ZNF257: variants seen among roughly 807,000 people sequenced by gnomAD.
ZNF257 encodes zinc finger protein 257.
ZNF257 carries 12 observed loss-of-function variants against 11.9 expected under a neutral mutation model. That is an observed-to-expected ratio of 1.01 (90% confidence interval 0.65 to 1.63). The LOEUF is 1.63. ZNF257 is among the 40% of genes most tolerant of loss of function. The pLI is 0.00. For synonymous variants in ZNF257, 183 were observed against 222.7 expected, an observed-to-expected ratio of 0.82 and a Z score of 1.59; for missense variants, 580 against 665.5, an observed-to-expected ratio of 0.87 and a Z score of 1.41.
At chr19:22,069,628 C>CAA (rs60118865) in intron 1 of ZNF257, among the ~76,000 whole-genome samples, 3 of 136,416 alleles carry the variant, frequency 2.2e-5, no homozygotes, top group Non-Finnish European at 3.3e-5. Flanking sequence ...GTCTTAAAAA[C>CAA]AAAAAAACAA....
At chr19:22,056,300 C>T (rs566690433) in intron 1 of ZNF257, among the ~76,000 whole-genome samples, 74 of 152,068 alleles carry the variant, frequency 4.9e-4, no homozygotes, top group African/African-American at 1.7e-3. Flanking sequence ...CGCCACTATG[C>T]TGGCTAATTT....
chr19:22,071,481 C>CTT (rs770735076), intron 1 of ZNF257, among the ~76,000 whole-genome samples: 9 of 147,814 alleles, frequency 6.1e-5, no homozygotes, highest in African/African-American at 2.2e-4. Context: ...GAAAAAATGG[C>CTT]TTTTTTTTTT....
chr19:22,066,003 TG>T (rs1158399825), intron 1 of ZNF257: 1 of 152,210 alleles, frequency 6.6e-6, no homozygotes, highest in Non-Finnish European at 1.5e-5. Flanking sequence ...GCACTCTGGA[TG>T]CTTAGAAATT....
chr19:22,064,989 G>C (rs1380545871), intron 1 of ZNF257, among the ~76,000 whole-genome samples: 1 of 151,348 alleles, frequency 6.6e-6, no homozygotes, highest in Non-Finnish European at 1.5e-5. Flanking sequence ...AGGAAGCAGA[G>C]GTTGCGGTGA....
intron 1 of ZNF257, among the ~76,000 whole-genome samples, chr19:22,057,420 C>T (rs8110969): frequency 0.23 from 34,892 of 151,784 alleles, 5,281 homozygotes; most frequent in African/African-American, 0.44. Flanking sequence ...ATGTCCCAGC[C>T]ATGGAAGAAG....
At chr19:22,056,837 C>T (rs982877395) in intron 1 of ZNF257, among the ~76,000 whole-genome samples, 7 of 152,028 alleles carry the variant, frequency 4.6e-5, no homozygotes, top group African/African-American at 1.7e-4. Context: ...AACGCAATTC[C>T]AAGGCTTAGC....
In ZNF257 at chr19:22,089,373, C is replaced by T. The variant is rs778130808; in HGVS notation, c.1623C>T (p.Asn541=). 1 of 1,611,840 alleles carries T rather than the reference C, an allele frequency of 6.2e-7. No individual in the cohort carries two copies. The highest frequency in any genetic ancestry group is 8.5e-7 in the Non-Finnish European group (1 of 1,179,174). The change falls in exon 4 of 4, where the codon AAC becomes AAT. Residue 541 remains asparagine, a synonymous_variant. Coordinates refer to ENST00000594947, the MANE Select transcript of ZNF257 (RefSeq NM_033468.4). The part of the protein sequence containing the change: ...TVHKRIHAGE[N]PNKYEECGKA... ...ATAAGAGAATTCATGCTGGAGAGAA[C>T]CCCAACAAATATGAAGAATGTGGCA... is the stretch of plus-strand genomic sequence containing the variant.
chr19:22,062,223 C>CTTT (rs34283330), intron 1 of ZNF257, among the ~76,000 whole-genome samples: 31 of 101,736 alleles, frequency 3.0e-4, no homozygotes, highest in South Asian at 3.7e-4. Flanking sequence ...ACTGCGCCTG[C>CTTT]TTTTTTTTTT....
rs17853620 is a variant in ZNF257, at chr19:22,088,813, C to A, written c.1063C>A (p.Arg355=). The A allele has an allele frequency of 1.4e-5, 22 of 1,611,338 alleles. No homozygotes were observed. In the East Asian group the frequency reaches 4.9e-4, roughly 36 times the overall value. Residue 355 remains arginine, a synonymous_variant, in exon 4 of 4, where the codon CGG becomes AGG. Transcript: ENST00000594947. ...QCEECGKAFN[R]SSHLTQHKII... ...TGAAGAGTGTGGCAAAGCTTTTAAC[C>A]GGTCTTCACACCTTACTCAACATAA...
At chr19:22,053,562 C>T (rs1003267269) in intron 1 of ZNF257, among the ~76,000 whole-genome samples, 3 of 152,086 alleles carry the variant, frequency 2.0e-5, no homozygotes, top group Non-Finnish European at 4.4e-5. Context: ...GTTATGTAAT[C>T]AGAGGTTAAA....
chr19:22,076,285 AAAAT>A lies in ZNF257; in HGVS notation c.226+2728_226+2731del, dbSNP rs543096230. 3.3e-5 allele frequency among the ~76,000 whole-genome samples: 5 copies of A among 149,768 alleles called. No homozygotes were observed. In the South Asian group the frequency reaches 6.3e-4, roughly 19 times the overall value. The stretch of plus-strand genomic sequence containing the variant: ...TATATATATATTAAATTATATATAC[AAAAT>A]AAATAATAAATACATATATTAATTA... On this transcript the variant is annotated intron_variant, in intron 3 of 3. Coordinates refer to ENST00000594947, the MANE Select transcript of ZNF257 (RefSeq NM_033468.4).
At chr19:22,058,739 TAAAGG>T (rs944280758) in intron 1 of ZNF257, among the ~76,000 whole-genome samples, 8 of 152,146 alleles carry the variant, frequency 5.3e-5, no homozygotes, top group African/African-American at 1.9e-4. Context: ...ACTGAAAACT[TAAAGG>T]AAAGAAGCTC....
chr19:22,076,464 T>C (rs1019233683), intron 3 of ZNF257, among the ~76,000 whole-genome samples: 2 of 152,124 alleles, frequency 1.3e-5, no homozygotes, highest in Non-Finnish European at 2.9e-5. Flanking sequence ...ATTAAAATCT[T>C]CTGTTTATGA....
At chr19:22,059,479 G>A (rs554200665) in intron 1 of ZNF257, among the ~76,000 whole-genome samples, 4 of 151,818 alleles carry the variant, frequency 2.6e-5, no homozygotes, top group African/African-American at 9.7e-5. Context: ...GAGGGACGGG[G>A]TTTCACCATG....
intron 1 of ZNF257, among the ~76,000 whole-genome samples, chr19:22,061,005 C>T (rs866141844): frequency 6.6e-6 from 1 of 152,008 alleles, no homozygotes; most frequent in African/African-American, 2.4e-5. Context: ...TGTACCAGTA[C>T]CATGCTGCTT....
rs139498146 is a variant in ZNF257, at chr19:22,076,775, G to A, written c.226+3211G>A. On this transcript the variant is annotated intron_variant, in intron 3 of 3. Coordinates refer to ENST00000594947, the MANE Select transcript of ZNF257 (RefSeq NM_033468.4). ...ATGATTTCAGCTCACTGCAACCTCC[G>A]CCTCCCGGGTTCACGCCATTCTCCT... Among the ~76,000 whole-genome samples the A allele has an allele frequency of 2.6e-5, 4 of 152,168 alleles. No individual in the cohort carries two copies. In the East Asian group the frequency reaches 5.8e-4, roughly 22 times the overall value.
chr19:22,061,103 G>A (rs1169788480), intron 1 of ZNF257, among the ~76,000 whole-genome samples: 1 of 136,260 alleles, frequency 7.3e-6, no homozygotes, highest in Non-Finnish European at 1.5e-5. Context: ...GGCTATTTGG[G>A]CTCTTTTTTT....
chr19:22,054,076 T>C (rs79029126), intron 1 of ZNF257, among the ~76,000 whole-genome samples: 135 of 91,626 alleles, frequency 1.5e-3, no homozygotes, highest in African/African-American at 5.9e-3. Context: ...TTTGTTTTTC[T>C]TTTTTTTTTT....
At chr19:22,080,174 C>A (rs1265518214) in intron 3 of ZNF257, among the ~76,000 whole-genome samples, 49 of 152,020 alleles carry the variant, frequency 3.2e-4, no homozygotes, top group Admixed American at 6.6e-5. Flanking sequence ...GGAACAGGGT[C>A]TCACTATGTT....
Sources: allele counts gnomAD v4.1 joint callset (sites outside exome capture counted in the v4.1 genomes callset), GRCh38; gene constraint gnomAD v4.1.1; transcripts MANE v1.5; gene names NCBI Gene and HGNC (gene_info 2026-07-23, HGNC 2026-07-21).